The following TENM1 variants were observed in gnomAD, a reference collection of about 807,000 sequenced individuals.
TENM1 encodes teneurin-1.
TENM1 carries 35 observed loss-of-function variants against 174.8 expected under a neutral mutation model. The ratio of observed to expected loss-of-function variants is 0.20; its 90% CI spans 0.15 to 0.27. The LOEUF (loss-of-function observed/expected upper bound fraction) is 0.27. Among genes scored for constraint, TENM1 ranks in the 10% least tolerant of loss-of-function variants. The pLI is 1.00. For synonymous variants in TENM1, 781 were observed against 798.7 expected, an observed-to-expected ratio of 0.98 and a Z score of 0.37; for missense variants, 1,633 against 2,130.1, an observed-to-expected ratio of 0.77 and a Z score of 4.59.
chrX:125,102,911 G>A, the TENM1 span, among the ~76,000 whole-genome samples: 1 of 111,666 alleles, frequency 9.0e-6, no homozygotes, highest in Non-Finnish European at 1.9e-5. Flanking sequence ...AAGGGTGAGA[G>A]GTGATCCTGC....
intron 11 of TENM1, among the ~76,000 whole-genome samples, chrX:124,592,839 G>C (rs1484620533): frequency 9.3e-6 from 1 of 107,859 alleles, no homozygotes; most frequent in African/African-American, 3.4e-5. Flanking sequence ...AGAATGCTGG[G>C]TATGGGCTGT....
At chrX:124,953,325 TC>T (rs1381120641) in intron 1 of TENM1, among the ~76,000 whole-genome samples, 1 of 112,055 alleles carries the variant, frequency 8.9e-6, no homozygotes, top group Non-Finnish European at 1.9e-5. Flanking sequence ...CCTCCGAGGT[TC>T]CCTGTCATCT....
At chrX:125,091,817 C>T in the TENM1 span, among the ~76,000 whole-genome samples, 3 of 108,059 alleles carry the variant, frequency 2.8e-5, no homozygotes, top group African/African-American at 1.0e-4. Flanking sequence ...GAAACCCCGT[C>T]TCTACTAAAA....
At chrX:125,103,502 A>C in the TENM1 span, among the ~76,000 whole-genome samples, 3 of 111,370 alleles carry the variant, frequency 2.7e-5, no homozygotes, top group Non-Finnish European at 5.6e-5. Context: ...TATTTTATTA[A>C]AATTTTTAGA....
At chrX:125,192,003 G>A in the TENM1 span, among the ~76,000 whole-genome samples, 48 of 110,274 alleles carry the variant, frequency 4.4e-4, no homozygotes, top group African/African-American at 1.5e-3. Flanking sequence ...CTTCCCTCTG[G>A]AGGACACAGC....
At chrX:124,665,959 TC>T (rs899260071) in intron 6 of TENM1, among the ~76,000 whole-genome samples, 1 of 111,811 alleles carries the variant, frequency 8.9e-6, no homozygotes, top group African/African-American at 3.3e-5. Context: ...GAAAGCCAAC[TC>T]CCTTATTTTT....
the TENM1 span, among the ~76,000 whole-genome samples, chrX:125,090,085 T>G: frequency 3.6e-5 from 4 of 111,862 alleles, no homozygotes; most frequent in Non-Finnish European, 7.5e-5. Flanking sequence ...CTATGCCATC[T>G]CTTGCTTTAA....
chrX:124,989,720 GAAAA>G, the TENM1 span, among the ~76,000 whole-genome samples: 1 of 101,914 alleles, frequency 9.8e-6, no homozygotes, highest in Non-Finnish European at 2.0e-5. Context: ...TCTTCTGCAG[GAAAA>G]AAAAAAAAGT....
Position 124,564,903 on chromosome X carries a change from G to A in TENM1, c.2263+472C>T, listed in dbSNP as rs746081181. On this transcript the variant is annotated intron_variant, in intron 12 of 31. Transcript: ENST00000422452. Reference sequence around the variant, plus strand: ...GTTCTATTGATGATAGGTCAGAAGTGCCTTCCTCATATACATTAAAGACAG... The same window carrying A: ...GTTCTATTGATGATAGGTCAGAAGTACCTTCCTCATATACATTAAAGACAG... Among the ~76,000 whole-genome samples, 4 of 111,115 alleles carry A rather than the reference G, an allele frequency of 3.6e-5. No individual in the cohort carries two copies. In the East Asian group the frequency reaches 1.1e-3, roughly 32 times the overall value.
chrX:124,911,896 G>C (rs758177904), intron 1 of TENM1, among the ~76,000 whole-genome samples: 3 of 111,530 alleles, frequency 2.7e-5, no homozygotes, highest in Non-Finnish European at 5.6e-5. Flanking sequence ...CTGGAAATTC[G>C]CTAGCTGTGA....
intron 4 of TENM1, among the ~76,000 whole-genome samples, chrX:124,714,339 G>A (rs1032874832): frequency 1.8e-5 from 2 of 111,902 alleles, no homozygotes; most frequent in African/African-American, 3.2e-5. Context: ...TTAAAATGGT[G>A]CATAATAAAC....
intron 23 of TENM1, among the ~76,000 whole-genome samples, chrX:124,437,995 G>C (rs778324934): frequency 5.3e-5 from 6 of 112,193 alleles, no homozygotes; most frequent in Admixed American, 1.9e-4. Flanking sequence ...ACTGATTCGT[G>C]CACTTTCCCC....
At chrX:124,853,402 C>T (rs927439730) in intron 3 of TENM1, among the ~76,000 whole-genome samples, 2 of 110,500 alleles carry the variant, frequency 1.8e-5, no homozygotes, top group Non-Finnish European at 3.8e-5. Flanking sequence ...ATAATGCAAG[C>T]GAGAAGGCAT....
At chrX:124,875,426 T>A (rs1388265733) in intron 3 of TENM1, among the ~76,000 whole-genome samples, 1 of 111,008 alleles carries the variant, frequency 9.0e-6, no homozygotes, top group Non-Finnish European at 1.9e-5. Flanking sequence ...TTTTTTTTTT[T>A]TAGATATACA....
intron 22 of TENM1, among the ~76,000 whole-genome samples, chrX:124,480,476 A>G (rs763880010): frequency 8.9e-6 from 1 of 112,380 alleles, no homozygotes; most frequent in Non-Finnish European, 1.9e-5. Flanking sequence ...CATTGACCTC[A>G]CTACATTTAT....
At chrX:124,732,925 C>T (rs2053595989) in intron 4 of TENM1, among the ~76,000 whole-genome samples, 1 of 111,702 alleles carries the variant, frequency 9.0e-6, no homozygotes, top group African/African-American at 3.3e-5. Flanking sequence ...TCCCGCGTTC[C>T]CGGGGACTGA....
intron 3 of TENM1, among the ~76,000 whole-genome samples, chrX:124,841,345 C>T (rs1428373121): frequency 9.0e-6 from 1 of 111,564 alleles, no homozygotes; most frequent in African/African-American, 3.3e-5. Context: ...TAAACTAAAC[C>T]TAAACCCAGC....
intron 12 of TENM1, among the ~76,000 whole-genome samples, chrX:124,563,987 T>C (rs1443975657): frequency 8.9e-6 from 1 of 112,184 alleles, no homozygotes; most frequent in African/African-American, 3.2e-5. Flanking sequence ...TGCAAGAAAC[T>C]CTATTAGGCT....
intron 3 of TENM1, among the ~76,000 whole-genome samples, chrX:124,884,336 C>T (rs181605156): frequency 3.8e-5 from 4 of 106,407 alleles, no homozygotes; most frequent in Non-Finnish European, 7.7e-5. Flanking sequence ...TATTGGAGAC[C>T]GAGCTCTCAA....
Sources: allele counts gnomAD v4.1 joint callset (sites outside exome capture counted in the v4.1 genomes callset), GRCh38; gene constraint gnomAD v4.1.1; transcripts MANE v1.5; gene names NCBI Gene and HGNC (gene_info 2026-07-23, HGNC 2026-07-21).